The following ACSL3 variants were observed in gnomAD, a reference collection of about 807,000 sequenced individuals.
The protein encoded by ACSL3 is acyl-CoA synthetase long chain family member 3.
ACSL3 carries 34 observed loss-of-function variants against 84.7 expected under a neutral mutation model. The observed-to-expected ratio is 0.40, with a 90% CI of 0.31 to 0.53. The LOEUF (loss-of-function observed/expected upper bound fraction) is 0.53, where lower values mean the gene tolerates loss of function less well. Among genes scored for constraint, ACSL3 ranks in the 20% least tolerant of loss-of-function variants. ACSL3 has a pLI of 0.48. For missense variants in ACSL3, 680 were observed against 873.1 expected (o/e 0.78, Z 2.79); for synonymous variants, 315 against 299.4 (o/e 1.05, Z -0.54).
intron 4 of ACSL3, among the ~76,000 whole-genome samples, chr2:222,911,304 C>T (rs943662234): frequency 6.6e-6 from 1 of 152,196 alleles, no homozygotes; most frequent in Non-Finnish European, 1.5e-5. Context: ...CCACCTCGGC[C>T]TCCCAAAGTG....
At chr2:222,882,004 G>A (rs1311726169) in intron 1 of ACSL3, among the ~76,000 whole-genome samples, 1 of 152,078 alleles carries the variant, frequency 6.6e-6, no homozygotes, top group East Asian at 1.9e-4. Flanking sequence ...GACATTTTAG[G>A]ATTTTTTCCC....
chr2:222,882,389 TTTATAAC>T (rs1695611955), intron 1 of ACSL3, among the ~76,000 whole-genome samples: 1 of 152,188 alleles, frequency 6.6e-6, no homozygotes, highest in South Asian at 2.1e-4. Context: ...TTCTTACTTC[TTTATAAC>T]AGCGATCTCC....
In ACSL3 at chr2:222,883,167, GTT is replaced by G. The variant is rs71408541; in HGVS notation, c.-206-4650_-206-4649del. On this transcript the variant is annotated intron_variant, in intron 1 of 16. Coordinates refer to ENST00000357430, the MANE Select transcript of ACSL3 (RefSeq NM_004457.5). The stretch of plus-strand genomic sequence containing the variant: ...CTTATTTGTAGGTGGTTTGCTTTCT[GTT>G]TTTTTTTTTTTTCTTTTTTTCTTTT... 2.9e-3 allele frequency among the ~76,000 whole-genome samples: 394 copies of G among 135,852 alleles called. 4 individuals are homozygous for G. The highest frequency in any genetic ancestry group is 0.01 in the African/African-American group (382 of 37,026). The allele number at this position is 135,852 out of a possible 152,430, so 89.1% of individuals were successfully genotyped here.
intron 11 of ACSL3, among the ~76,000 whole-genome samples, chr2:222,924,885 G>T (rs1184225465): frequency 6.6e-6 from 1 of 152,082 alleles, no homozygotes; most frequent in Non-Finnish European, 1.5e-5. Context: ...AATTAGCGGG[G>T]CTTGGTGGCG....
chr2:222,923,393 T>G (rs1192597938), intron 10 of ACSL3, among the ~76,000 whole-genome samples: 1 of 152,264 alleles, frequency 6.6e-6, no homozygotes, highest in East Asian at 1.9e-4. Flanking sequence ...TTTGCCTAAA[T>G]ACCTTCTTGT....
intron 4 of ACSL3, among the ~76,000 whole-genome samples, chr2:222,914,273 G>A (rs1441669071): frequency 4.2e-5 from 5 of 118,486 alleles, no homozygotes; most frequent in African/African-American, 5.9e-5. Context: ...GTGTGTGTGT[G>A]TGTGTATTTT....
chr2:222,896,443 C>G (rs1490305964), intron 2 of ACSL3, among the ~76,000 whole-genome samples: 4 of 24,922 alleles, frequency 1.6e-4, no homozygotes, highest in African/African-American at 4.9e-4. Flanking sequence ...CCCCTCCCCC[C>G]TCCCGGACGG....
rs1266596117 is a variant in ACSL3, at chr2:222,913,321, G to T, written c.379-2998G>T. ...AGTCACATTTTTTTACCCTGTTTGTGTATGTGTATAAAACTTATTTTCTGA... is the reference window on the plus strand; with the variant it reads ...AGTCACATTTTTTTACCCTGTTTGTTTATGTGTATAAAACTTATTTTCTGA... On this transcript the variant is annotated intron_variant, in intron 4 of 16. Transcript: ENST00000357430. 2.6e-5 allele frequency among the ~76,000 whole-genome samples: 4 copies of T among 152,124 alleles called. No individual in the cohort carries two copies. The East Asian group carries it at 5.8e-4, about 22-fold the overall frequency.
At chr2:222,898,669 A>G (rs779367827) in intron 2 of ACSL3, among the ~76,000 whole-genome samples, 2 of 152,188 alleles carry the variant, frequency 1.3e-5, no homozygotes, top group Non-Finnish European at 2.9e-5. Context: ...TAAAGATACA[A>G]AAACAAAATT....
chr2:222,902,043 A>AT (rs915253486), intron 3 of ACSL3, among the ~76,000 whole-genome samples: 6 of 151,464 alleles, frequency 4.0e-5, no homozygotes, highest in Non-Finnish European at 8.8e-5. Context: ...AATTTAACAT[A>AT]TTTTTGTTAC....
At chr2:222,882,923 A>T (rs1695627336) in intron 1 of ACSL3, among the ~76,000 whole-genome samples, 1 of 151,944 alleles carries the variant, frequency 6.6e-6, no homozygotes, top group African/African-American at 2.4e-5. Flanking sequence ...AGATGCCACC[A>T]TGCCTGGCTA....
Position 222,935,217 on chromosome 2 carries a change from G to A in ACSL3, c.2005+530G>A, listed in dbSNP as rs965735800. 4.7e-4 allele frequency among the ~76,000 whole-genome samples: 71 copies of A among 152,006 alleles called. 1 individual carries two copies. The highest frequency in any genetic ancestry group is 2.0e-4 in the Admixed American group (3 of 15,256). Reference sequence around the variant, plus strand: ...ATTTTATTTATTTTTTTAAGAGACAGGGTCTCTTCTGTTGCCCGAACCAGA... The same window carrying A: ...ATTTTATTTATTTTTTTAAGAGACAAGGTCTCTTCTGTTGCCCGAACCAGA... On this transcript the variant is annotated intron_variant, in intron 16 of 16. Transcript: ENST00000357430.
Position 222,925,342 on chromosome 2 carries a change from CAA to C in ACSL3, c.1292+768_1292+769del, listed in dbSNP as rs34016050. Among the ~76,000 whole-genome samples the C allele has an allele frequency of 4.3e-3, 363 of 85,398 alleles. 1 individual carries two copies. Among genetic ancestry groups the C allele is most frequent in the African/African-American group, 0.01 (228 of 22,648 alleles). 56.0% of individuals were successfully genotyped at this position (85,398 alleles called of 152,430 possible). ...GTGACAGAGTGCGAGACTCTTGTCT[CAA>C]AAAAAAAAAAAAAAAAAAAATCCAT... On this transcript the variant is annotated intron_variant, in intron 11 of 16. Coordinates refer to ENST00000357430, the MANE Select transcript of ACSL3 (RefSeq NM_004457.5).
chr2:222,942,678 C>A lies in ACSL3; in HGVS notation c.*1024C>A, dbSNP rs922907729. On this transcript the variant is annotated 3_prime_UTR_variant, in exon 17 of 17. Coordinates refer to ENST00000357430, the MANE Select transcript of ACSL3 (RefSeq NM_004457.5). ...GTGTTTTTCCTAGTTTGCACTGATG[C>A]GTGTATGGATGTGTGTGAGTCAGTG... The A allele has an allele frequency of 2.4e-5, 5 of 208,766 alleles. No individual in the cohort carries two copies. Among genetic ancestry groups the A allele is most frequent in the Admixed American group, 2.4e-4 (4 of 16,874 alleles). The allele number at this position is 208,766 out of a possible 1,614,324, so 12.9% of individuals were successfully genotyped here.
At position 222,909,175 on chromosome 2, in the gene ACSL3, G is replaced by A. The variant is rs945111351; in HGVS notation, c.378+25G>A. 11 of 1,573,058 alleles carry A rather than the reference G, an allele frequency of 7.0e-6. No individual in the cohort carries two copies. In the African/African-American group the frequency reaches 1.2e-4, roughly 18 times the overall value. ...GGTAAGATGATCTTTCATTGCCTTTGAATTCTTTCGAATAAAATATCCTGT... is the reference window on the plus strand; with the variant it reads ...GGTAAGATGATCTTTCATTGCCTTTAAATTCTTTCGAATAAAATATCCTGT... On this transcript the variant is annotated intron_variant, in intron 4 of 16. Coordinates refer to ENST00000357430, the MANE Select transcript of ACSL3 (RefSeq NM_004457.5).
At chr2:222,925,673 TG>T (rs1160490008) in intron 11 of ACSL3, among the ~76,000 whole-genome samples, 2 of 152,266 alleles carry the variant, frequency 1.3e-5, no homozygotes, top group African/African-American at 4.8e-5. Flanking sequence ...ATTAAAAGTG[TG>T]TTTTCACTTA....
rs144003705 is a variant in ACSL3, at chr2:222,927,520, A to C, written c.1465+331A>C. On this transcript the variant is annotated intron_variant, in intron 12 of 16. Coordinates refer to ENST00000357430, the MANE Select transcript of ACSL3 (RefSeq NM_004457.5). Reference sequence around the variant, plus strand: ...TCAGTGATTAAATTTCTTTTTATGTAGAAAACTTAAGGTGCTTTTGTTTAT... The same window carrying C: ...TCAGTGATTAAATTTCTTTTTATGTCGAAAACTTAAGGTGCTTTTGTTTAT... 5.0e-3 allele frequency among the ~76,000 whole-genome samples: 756 copies of C among 152,354 alleles called. 20 individuals carry two copies. The highest frequency in any genetic ancestry group is 7.3e-4 in the Non-Finnish European group (50 of 68,038).
At chr2:222,879,836 G>A (rs994027484) in intron 1 of ACSL3, among the ~76,000 whole-genome samples, 1 of 152,140 alleles carries the variant, frequency 6.6e-6, no homozygotes, top group African/African-American at 2.4e-5. Context: ...AGGCAATGTG[G>A]ACTGTGGGTT....
chr2:222,894,212 T>C (rs559019429), intron 2 of ACSL3, among the ~76,000 whole-genome samples: 70 of 152,344 alleles, frequency 4.6e-4, no homozygotes, highest in African/African-American at 1.7e-3. Flanking sequence ...ATTTGTTTCA[T>C]AACACAAGAT....
Sources: gnomAD v4.1 joint callset for allele counts (sites outside exome capture counted in the v4.1 genomes callset) on GRCh38, gnomAD v4.1.1 for gene constraint, MANE v1.5 for transcripts, NCBI Gene and HGNC (gene_info 2026-07-23, HGNC 2026-07-21) for gene names.